Variants in CRADD observed in about 807,000 individuals in gnomAD.
CRADD encodes death domain-containing protein CRADD.
A neutral mutation model predicts 15.5 loss-of-function variants in CRADD; 9 were observed. The ratio of observed to expected loss-of-function variants is 0.58; its 90% CI spans 0.35 to 1.01. CRADD has a LOEUF of 1.01. Ranked by LOEUF, CRADD falls within the 50% of genes least tolerant of loss-of-function variation. CRADD has a pLI of 0.02. For missense variants in CRADD, 227 were observed against 250.3 expected (o/e 0.91, Z 0.63); for synonymous variants, 118 against 107.6 (o/e 1.10, Z -0.60).
intron 2 of CRADD, among the ~76,000 whole-genome samples, chr12:93,743,551 G>A (rs1956710073): frequency 6.6e-6 from 1 of 152,078 alleles, no homozygotes; most frequent in Admixed American, 6.5e-5. Flanking sequence ...GGCTGGTCTC[G>A]AATAGAACAT....
downstream of CRADD, among the ~76,000 whole-genome samples, chr12:93,851,308 C>T (rs965913399): frequency 6.6e-6 from 1 of 152,184 alleles, no homozygotes; most frequent in Non-Finnish European, 1.5e-5. Context: ...TGGGTGCCGG[C>T]TCCTGAGCCT....
intron 2 of CRADD, among the ~76,000 whole-genome samples, chr12:93,758,035 A>G (rs532907638): frequency 1.3e-5 from 2 of 152,342 alleles, no homozygotes; most frequent in East Asian, 1.9e-4. Context: ...TATTCCTCCT[A>G]TCATTAGAGT....
chr12:93,765,938 C>T (rs539964545), intron 2 of CRADD, among the ~76,000 whole-genome samples: 34 of 151,992 alleles, frequency 2.2e-4, no homozygotes, highest in African/African-American at 7.0e-4. Flanking sequence ...AACCAGTAAT[C>T]CTGGGAGGCA....
intron 2 of CRADD, among the ~76,000 whole-genome samples, chr12:93,862,918 G>T (rs1958329418): frequency 6.6e-6 from 1 of 152,166 alleles, no homozygotes; most frequent in African/African-American, 2.4e-5. Flanking sequence ...TTTTAAAAAG[G>T]TATGAACAGT....
chr12:93,752,401 G>T (rs1956838595), intron 2 of CRADD, among the ~76,000 whole-genome samples: 1 of 152,180 alleles, frequency 6.6e-6, no homozygotes, highest in African/African-American at 2.4e-5. Flanking sequence ...TTAATATGTT[G>T]TTTTGTCAAC....
chr12:93,679,676 G>A (rs1320817423), intron 2 of CRADD, among the ~76,000 whole-genome samples: 1 of 152,230 alleles, frequency 6.6e-6, no homozygotes, highest in Admixed American at 6.5e-5. Flanking sequence ...CACTTGGGAA[G>A]CATGTTCTCA....
intron 2 of CRADD, among the ~76,000 whole-genome samples, chr12:93,773,198 A>T (rs1046230591): frequency 6.6e-6 from 1 of 152,070 alleles, no homozygotes; most frequent in Non-Finnish European, 1.5e-5. Context: ...GTAACAAAGA[A>T]CTCCAAATCT....
At chr12:93,747,524 G>T (rs192022330) in intron 2 of CRADD, among the ~76,000 whole-genome samples, 1 of 149,652 alleles carries the variant, frequency 6.7e-6, no homozygotes, top group Non-Finnish European at 1.5e-5. Flanking sequence ...GCAGTGGTGC[G>T]ATCTCAGCTC....
At chr12:93,677,820 T>A (rs1046904588) in intron 1 of CRADD, 1 of 152,374 alleles carries the variant, frequency 6.6e-6, no homozygotes, top group Non-Finnish European at 1.5e-5. Flanking sequence ...TCCTGAACTT[T>A]ACAGGGTTGC....
chr12:93,818,427 A>C (rs1957733126), intron 2 of CRADD, among the ~76,000 whole-genome samples: 1 of 152,190 alleles, frequency 6.6e-6, no homozygotes, highest in Admixed American at 6.5e-5. Flanking sequence ...CTGTAAGTTC[A>C]GTTGCCTGAG....
intron 2 of CRADD, among the ~76,000 whole-genome samples, chr12:93,684,717 G>C (rs1258888687): frequency 6.6e-6 from 1 of 152,170 alleles, no homozygotes; most frequent in Non-Finnish European, 1.5e-5. Flanking sequence ...GTGGTGGTGG[G>C]GGTGGTCAGG....
chr12:93,796,087 A>G (rs1040178748), intron 2 of CRADD, among the ~76,000 whole-genome samples: 2 of 152,014 alleles, frequency 1.3e-5, no homozygotes, highest in Non-Finnish European at 2.9e-5. Flanking sequence ...ATAGCTATCT[A>G]TGTCTATTTT....
intron 2 of CRADD, among the ~76,000 whole-genome samples, chr12:93,787,946 A>G (rs1957298538): frequency 6.6e-6 from 1 of 152,182 alleles, no homozygotes; most frequent in Non-Finnish European, 1.5e-5. Context: ...GAGAGTAATT[A>G]ATAGTAGTGT....
intron 2 of CRADD, among the ~76,000 whole-genome samples, chr12:93,888,965 A>C (rs74331697): frequency 0.07 from 10,648 of 152,194 alleles, 420 homozygotes; most frequent in Middle Eastern, 0.082. Context: ...CATTTTGGAA[A>C]TGCTGCTGGA....
intron 2 of CRADD, among the ~76,000 whole-genome samples, chr12:93,710,978 T>G (rs1044271702): frequency 2.2e-4 from 33 of 152,050 alleles, no homozygotes; most frequent in Non-Finnish European, 3.7e-4. Flanking sequence ...TGCTTGAACA[T>G]TTTGGGCTTT....
chr12:93,678,177 A>G (rs1176079444), intron 1 of CRADD: 1 of 152,502 alleles, frequency 6.6e-6, no homozygotes, highest in African/African-American at 2.4e-5. Flanking sequence ...TAGACTGGGC[A>G]CAAACAACAA....
intron 2 of CRADD, among the ~76,000 whole-genome samples, chr12:93,781,644 C>T (rs915759384): frequency 6.6e-6 from 1 of 152,218 alleles, no homozygotes; most frequent in African/African-American, 2.4e-5. Flanking sequence ...AGAAACAGCA[C>T]CACCTGTGAA....
chr12:93,849,875 G>A, intron 2 of CRADD, 95 bp from the exon 3 acceptor site: 1 of 768,364 alleles, frequency 1.3e-6, no homozygotes, highest in African/African-American at 1.7e-5. Flanking sequence ...CCATTTGGAA[G>A]CATTGCCTTC....
At chr12:93,774,437 G>C (rs1957120425) in intron 2 of CRADD, among the ~76,000 whole-genome samples, 1 of 152,152 alleles carries the variant, frequency 6.6e-6, no homozygotes, top group Admixed American at 6.5e-5. Flanking sequence ...TTAGTGGCAG[G>C]ACCAGAACTT....
Sources: allele counts gnomAD v4.1 joint callset (sites outside exome capture counted in the v4.1 genomes callset), GRCh38; gene constraint gnomAD v4.1.1; transcripts MANE v1.5; gene names NCBI Gene and HGNC (gene_info 2026-07-23, HGNC 2026-07-21).